MARCHF4: variants seen among roughly 807,000 people sequenced by gnomAD.
MARCHF4 encodes membrane associated ring-CH-type finger 4.
Under a neutral mutation model 43.9 loss-of-function variants are expected in MARCHF4, and 14 were observed. The observed-to-expected ratio is 0.32, with a 90% CI of 0.21 to 0.50. The LOEUF is 0.50. MARCHF4 is among the 20% of genes least tolerant of loss of function. MARCHF4 has a pLI of 0.98. For missense variants in MARCHF4, 468 were observed against 536.7 expected (o/e 0.87, Z 1.27); for synonymous variants, 226 against 213.3 (o/e 1.06, Z -0.52).
chr2:216,301,299 G>T (rs961138629), intron 1 of MARCHF4, among the ~76,000 whole-genome samples: 2 of 152,184 alleles, frequency 1.3e-5, no homozygotes, highest in Non-Finnish European at 2.9e-5. Flanking sequence ...TCCAGGGCTG[G>T]ACTCCAGCCT....
intron 1 of MARCHF4, among the ~76,000 whole-genome samples, chr2:216,340,642 T>C (rs965288358): frequency 3.9e-5 from 6 of 152,168 alleles, no homozygotes; most frequent in Non-Finnish European, 8.8e-5. Flanking sequence ...GCATCTCCCA[T>C]GCCCCTAGGA....
chr2:216,273,110 G>A (rs1021133295), intron 3 of MARCHF4, among the ~76,000 whole-genome samples: 4 of 152,242 alleles, frequency 2.6e-5, no homozygotes, highest in African/African-American at 7.2e-5. Context: ...CTGGCAGGGC[G>A]TATCTGCAGA....
chr2:216,370,599 G>A lies in MARCHF4; in HGVS notation c.-339C>T, dbSNP rs1320182266. On this transcript the variant is annotated 5_prime_UTR_variant, in exon 1 of 4. Transcript: ENST00000273067. The stretch of plus-strand genomic sequence containing the variant: ...GAGGGATTGAAGAAGCGTGGTGGAG[G>A]GGCCACTAGAGCCTCTGTCGAATTG... 2.9e-5 allele frequency: 7 copies of A among 244,412 alleles called. No individual in the cohort carries two copies. In the South Asian group the frequency reaches 1.2e-3, roughly 41 times the overall value. The allele number at this position is 244,412 out of a possible 1,614,324, so 15.1% of individuals were successfully genotyped here.
intron 3 of MARCHF4, among the ~76,000 whole-genome samples, chr2:216,263,167 C>T (rs1242002409): frequency 6.6e-6 from 1 of 152,214 alleles, no homozygotes; most frequent in African/African-American, 2.4e-5. Flanking sequence ...TGGCTCATGC[C>T]TGAAATCCCA....
chr2:216,271,156 T>G (rs1690928756), intron 3 of MARCHF4, among the ~76,000 whole-genome samples: 1 of 152,224 alleles, frequency 6.6e-6, no homozygotes, highest in Admixed American at 6.5e-5. Flanking sequence ...CATGACTCTG[T>G]GGGATTTGGC....
chr2:216,346,618 G>A (rs1238643953), intron 1 of MARCHF4, among the ~76,000 whole-genome samples: 6 of 152,202 alleles, frequency 3.9e-5, no homozygotes, highest in African/African-American at 1.4e-4. Flanking sequence ...AAGGATGGGA[G>A]AAATTAACCA....
intron 1 of MARCHF4, among the ~76,000 whole-genome samples, chr2:216,352,593 G>A (rs748833820): frequency 2.6e-5 from 4 of 152,106 alleles, no homozygotes; most frequent in Admixed American, 6.5e-5. Flanking sequence ...CTGGGCTCAA[G>A]CCAGCCTCCC....
chr2:216,300,350 G>GTATATATATATATATATATATATATATA (rs201683040), intron 1 of MARCHF4, among the ~76,000 whole-genome samples: 1 of 115,804 alleles, frequency 8.6e-6, no homozygotes, highest in African/African-American at 3.5e-5. Flanking sequence ...ATATATATAT[G>GTATATATATATATATATATATATATATA]TATATATATA....
intron 1 of MARCHF4, among the ~76,000 whole-genome samples, chr2:216,357,149 A>G (rs1692515029): frequency 6.6e-6 from 1 of 152,256 alleles, no homozygotes; most frequent in Non-Finnish European, 1.5e-5. Flanking sequence ...CATTGATACA[A>G]GACTATTAAC....
intron 1 of MARCHF4, among the ~76,000 whole-genome samples, chr2:216,316,308 A>G (rs1186698386): frequency 6.6e-6 from 1 of 152,052 alleles, no homozygotes; most frequent in Non-Finnish European, 1.5e-5. Context: ...AACATTCTTA[A>G]TTGTGCTTCC....
chr2:216,360,517 T>C (rs1345849997), intron 1 of MARCHF4, among the ~76,000 whole-genome samples: 2 of 136,064 alleles, frequency 1.5e-5, no homozygotes, highest in Non-Finnish European at 3.2e-5. Flanking sequence ...AAAAAGCCAA[T>C]CTGAAAAGGC....
At position 216,259,339 on chromosome 2, in the gene MARCHF4, C is replaced by T; in HGVS notation, c.1206G>A (p.Glu402=). 6.4e-7 allele frequency: 1 copy of T among 1,568,362 alleles called. No individual in the cohort carries two copies. The highest frequency in any genetic ancestry group is 8.7e-7 in the Non-Finnish European group (1 of 1,154,466). ...ACACTGTCGTGACTCTCATGACCAG[C>T]TCTCGGCTGCTGCCTGGGGGACTTC... ...EQRSPPGSSR[E]LVMRVTTV The change falls in exon 4 of 4, where the codon GAG becomes GAA. Residue 402 remains glutamate, a synonymous_variant. Coordinates refer to ENST00000273067, the MANE Select transcript of MARCHF4 (RefSeq NM_020814.3).
At chr2:216,264,443 T>A (rs1006350492) in intron 3 of MARCHF4, among the ~76,000 whole-genome samples, 10 of 152,214 alleles carry the variant, frequency 6.6e-5, no homozygotes, top group African/African-American at 2.4e-4. Context: ...TCTCTGCCAA[T>A]CTTTTGAATG....
At chr2:216,319,305 C>T (rs1405481062) in intron 1 of MARCHF4, among the ~76,000 whole-genome samples, 2 of 152,042 alleles carry the variant, frequency 1.3e-5, no homozygotes, top group Non-Finnish European at 2.9e-5. Context: ...GAGATTCCAT[C>T]TAAAACAAAA....
chr2:216,261,808 A>G lies in MARCHF4; in HGVS notation c.866-2129T>C, dbSNP rs866343528. On this transcript the variant is annotated intron_variant, in intron 3 of 3. Transcript: ENST00000273067. ...GGCCAAAGACAGAGCCCTGGACTTC[A>G]GGTGTTTAGAGGCTTGGTGGAGGCT... 2.6e-5 allele frequency among the ~76,000 whole-genome samples: 4 copies of G among 152,300 alleles called. No homozygotes were observed. The South Asian group carries it at 8.3e-4, about 32-fold the overall frequency.
intron 1 of MARCHF4, among the ~76,000 whole-genome samples, chr2:216,309,272 G>T (rs1691641903): frequency 6.6e-6 from 1 of 152,232 alleles, no homozygotes; most frequent in Non-Finnish European, 1.5e-5. Context: ...TAAGACAGGT[G>T]AAAATTATAG....
intron 1 of MARCHF4, among the ~76,000 whole-genome samples, chr2:216,362,307 C>T (rs899349419): frequency 1.6e-4 from 25 of 152,346 alleles, no homozygotes; most frequent in African/African-American, 5.8e-4. Context: ...AATATGTCTT[C>T]TACCACACAT....
chr2:216,330,891 T>C (rs1692073129), intron 1 of MARCHF4, among the ~76,000 whole-genome samples: 1 of 152,028 alleles, frequency 6.6e-6, no homozygotes, highest in Non-Finnish European at 1.5e-5. Flanking sequence ...AGGCTGAAAT[T>C]CAAGAATCTA....
intron 1 of MARCHF4, among the ~76,000 whole-genome samples, chr2:216,310,926 C>T (rs36099877): frequency 0.4 from 60,747 of 151,830 alleles, 13,031 homozygotes; most frequent in Middle Eastern, 0.52. Context: ...ATTAACATCA[C>T]AAGTGATGGG....
Sources: gnomAD v4.1 joint callset for allele counts (sites outside exome capture counted in the v4.1 genomes callset) on GRCh38, gnomAD v4.1.1 for gene constraint, MANE v1.5 for transcripts, NCBI Gene and HGNC (gene_info 2026-07-23, HGNC 2026-07-21) for gene names.